The following RASGEF1A variants were observed in gnomAD, a reference collection of about 807,000 sequenced individuals.
The protein encoded by RASGEF1A is ras-GEF domain-containing family member 1A.
Under a neutral mutation model 56.4 loss-of-function variants are expected in RASGEF1A, and 18 were observed. The ratio of observed to expected loss-of-function variants is 0.32; its 90% CI spans 0.22 to 0.47. RASGEF1A has a LOEUF of 0.47. RASGEF1A is among the 20% of genes least tolerant of loss of function. RASGEF1A has a pLI of 1.00. For missense variants in RASGEF1A, 422 were observed against 627.1 expected (o/e 0.67, Z 3.49); for synonymous variants, 245 against 242.6 (o/e 1.01, Z -0.09).
chr10:43,248,949 G>A (rs986413118), intron 1 of RASGEF1A, among the ~76,000 whole-genome samples: 2 of 152,190 alleles, frequency 1.3e-5, no homozygotes, highest in Non-Finnish European at 2.9e-5. Flanking sequence ...AAAAACTAGA[G>A]CAGGTGGGGA....
chr10:43,257,305 A>C (rs1418907772), intron 1 of RASGEF1A, among the ~76,000 whole-genome samples: 2 of 152,182 alleles, frequency 1.3e-5, no homozygotes, highest in Non-Finnish European at 2.9e-5. Context: ...ACTGGTGATG[A>C]TTTGCATGCC....
At chr10:43,232,427 G>A (rs1840382636) in intron 1 of RASGEF1A, among the ~76,000 whole-genome samples, 1 of 150,418 alleles carries the variant, frequency 6.6e-6, no homozygotes, top group South Asian at 2.1e-4. Context: ...TTCCTGTAAA[G>A]TTTGCAGAGC....
chr10:43,266,432 C>A (rs1789338153), intron 1 of RASGEF1A, among the ~76,000 whole-genome samples: 1 of 152,060 alleles, frequency 6.6e-6, no homozygotes, highest in South Asian at 2.1e-4. Context: ...AAACTTCCAA[C>A]TGCGCAGCCC....
At chr10:43,215,442 G>T (rs1840123709) in intron 1 of RASGEF1A, among the ~76,000 whole-genome samples, 1 of 152,232 alleles carries the variant, frequency 6.6e-6, no homozygotes, top group South Asian at 2.1e-4. Flanking sequence ...GGGAGAGCGT[G>T]CTCCTGGAGG....
intron 1 of RASGEF1A, among the ~76,000 whole-genome samples, chr10:43,250,329 C>T (rs201834724): frequency 1.3e-5 from 2 of 152,214 alleles, no homozygotes; most frequent in African/African-American, 2.4e-5. Context: ...GCAGCTATGA[C>T]GGTTTCCCTG....
intron 1 of RASGEF1A, among the ~76,000 whole-genome samples, chr10:43,223,156 T>C (rs1840231455): frequency 6.6e-6 from 1 of 152,066 alleles, no homozygotes; most frequent in Non-Finnish European, 1.5e-5. Flanking sequence ...CAGTGCATGC[T>C]CTCTGGACAG....
At chr10:43,236,912 G>A (rs1486731712) in intron 1 of RASGEF1A, among the ~76,000 whole-genome samples, 2 of 152,108 alleles carry the variant, frequency 1.3e-5, no homozygotes, top group Non-Finnish European at 2.9e-5. Context: ...GGGGGTCTCA[G>A]GGCCAGCCTG....
At chr10:43,233,154 C>T (rs1315758155) in intron 1 of RASGEF1A, among the ~76,000 whole-genome samples, 1 of 152,206 alleles carries the variant, frequency 6.6e-6, no homozygotes, top group African/African-American at 2.4e-5. Flanking sequence ...TTACTGGGTC[C>T]AGCAGAGCCT....
At position 43,253,733 on chromosome 10, in the gene RASGEF1A, G is replaced by A. The variant is rs561362056; in HGVS notation, c.-7+13112C>T. 4.6e-5 allele frequency among the ~76,000 whole-genome samples: 7 copies of A among 152,348 alleles called. No homozygotes were observed. The East Asian group carries it at 1.4e-3, about 29-fold the overall frequency. On this transcript the variant is annotated intron_variant, in intron 1 of 12. Transcript: ENST00000395810. ...TACCAACAGACACCTGCGTGACCAC[G>A]ATTCTGCCTGGAGCCTCCGAAGAGG...
At chr10:43,261,642 C>T (rs1049443432) in intron 1 of RASGEF1A, among the ~76,000 whole-genome samples, 2 of 152,234 alleles carry the variant, frequency 1.3e-5, no homozygotes, top group African/African-American at 4.8e-5. Flanking sequence ...CTGGTCCACT[C>T]ACCCTGCCTC....
chr10:43,202,012 G>A (rs1588927884), intron 3 of RASGEF1A, 67 bp from the exon 4 acceptor site: 1 of 1,465,746 alleles, frequency 6.8e-7, no homozygotes, highest in South Asian at 1.4e-5. Context: ...GGCAAATGGT[G>A]CAAGCTTCCC....
intron 1 of RASGEF1A, among the ~76,000 whole-genome samples, chr10:43,260,514 G>C (rs1047464701): frequency 6.6e-6 from 1 of 152,218 alleles, no homozygotes; most frequent in African/African-American, 2.4e-5. Context: ...GCAGGCCAGA[G>C]AGCCACTGTG....
At position 43,195,931 on chromosome 10, in the gene RASGEF1A, A is replaced by T; in HGVS notation, c.*313T>A. On this transcript the variant is annotated 3_prime_UTR_variant, in exon 13 of 13. Coordinates refer to ENST00000395810, the MANE Select transcript of RASGEF1A (RefSeq NM_145313.4). This position sits in a 1 kb window ranked among gnomAD's most constrained non-coding sequence, Gnocchi z 4.2. ...TTTTTTAAAATATTTTTTTCATAAG[A>T]TGTTAATAATCAAAAGTAGAAAATA... 1 of 203,070 alleles carries T rather than the reference A, an allele frequency of 4.9e-6. No homozygotes were observed. Among genetic ancestry groups the T allele is most frequent in the Non-Finnish European group, 9.8e-6 (1 of 101,910 alleles). 12.6% of individuals were successfully genotyped at this position (203,070 alleles called of 1,614,324 possible).
chr10:43,249,427 G>C, intron 1 of RASGEF1A, among the ~76,000 whole-genome samples: 1 of 152,210 alleles, frequency 6.6e-6, no homozygotes, highest in South Asian at 2.1e-4. Context: ...CTGGGGGAAG[G>C]GGGTTCTGTT....
chr10:43,225,654 T>C (rs1285638751), intron 1 of RASGEF1A, among the ~76,000 whole-genome samples: 2 of 152,092 alleles, frequency 1.3e-5, no homozygotes, highest in African/African-American at 2.4e-5. Context: ...AGGAACACGA[T>C]GTCCACAGTG....
intron 1 of RASGEF1A, among the ~76,000 whole-genome samples, chr10:43,227,252 T>G (rs1720518103): frequency 6.6e-6 from 1 of 152,104 alleles, no homozygotes; most frequent in African/African-American, 2.4e-5. Flanking sequence ...CCAATGCCAG[T>G]GTGAGACTCT....
intron 1 of RASGEF1A, among the ~76,000 whole-genome samples, chr10:43,260,386 C>A (rs954589106): frequency 1.3e-4 from 20 of 152,218 alleles, no homozygotes; most frequent in Middle Eastern, 3.2e-3. Flanking sequence ...CCCCTGACAG[C>A]GTCCCCGGTT....
Position 43,223,372 on chromosome 10 carries a change from T to TA in RASGEF1A, c.-6-17251dup, listed in dbSNP as rs940330893. 9.2e-5 allele frequency among the ~76,000 whole-genome samples: 14 copies of TA among 152,098 alleles called. No individual in the cohort carries two copies. The East Asian group carries it at 1.3e-3, about 15-fold the overall frequency. On this transcript the variant is annotated intron_variant, in intron 1 of 12. Coordinates refer to ENST00000395810, the MANE Select transcript of RASGEF1A (RefSeq NM_145313.4). ...ACTGATAAACAAAATACCCACTTCA[T>TA]AAAAAAAATCCCTAAATCACACCTG... is the stretch of plus-strand genomic sequence containing the variant.
At chr10:43,229,544 G>T (rs1840332228) in intron 1 of RASGEF1A, 1 of 1,131,192 alleles carries the variant, frequency 8.8e-7, no homozygotes, top group East Asian at 3.1e-5. Context: ...TCCCGCACGG[G>T]TCGGGATGCA....
Sources: gnomAD v4.1 joint callset for allele counts (sites outside exome capture counted in the v4.1 genomes callset) on GRCh38, gnomAD v4.1.1 for gene constraint, Gnocchi (gnomAD v3.1) non-coding constraint, MANE v1.5 for transcripts, NCBI Gene and HGNC (gene_info 2026-07-23, HGNC 2026-07-21) for gene names.